The following CHSY3 variants were observed in gnomAD, a reference collection of about 807,000 sequenced individuals.
CHSY3 encodes chondroitin sulfate synthase 3.
In CHSY3, 35 loss-of-function variants were observed where a neutral mutation model predicts 67.2. The ratio of observed to expected loss-of-function variants is 0.52; its 90% CI spans 0.40 to 0.69. The LOEUF (loss-of-function observed/expected upper bound fraction) is 0.69. CHSY3 is among the 30% of genes least tolerant of loss of function. The pLI is 0.00. For synonymous variants in CHSY3, 474 were observed against 434.7 expected, an observed-to-expected ratio of 1.09 and a Z score of -1.12; for missense variants, 1,069 against 1,138.5, an observed-to-expected ratio of 0.94 and a Z score of 0.88.
intron 2 of CHSY3, among the ~76,000 whole-genome samples, chr5:130,153,968 AT>A (rs1469469712): frequency 6.6e-6 from 1 of 151,940 alleles, no homozygotes; most frequent in Admixed American, 6.6e-5. Context: ...CCCAGGCTGG[AT>A]GCAATGCCAC....
At chr5:130,067,407 A>G (rs1029123147) in intron 2 of CHSY3, among the ~76,000 whole-genome samples, 6 of 152,172 alleles carry the variant, frequency 3.9e-5, no homozygotes, top group Admixed American at 3.3e-4. Flanking sequence ...GTGTGCACTC[A>G]AATATTTTCT....
intron 2 of CHSY3, among the ~76,000 whole-genome samples, chr5:130,127,622 C>A (rs1007040396): frequency 6.6e-5 from 10 of 152,118 alleles, no homozygotes; most frequent in African/African-American, 2.4e-4. Flanking sequence ...GTCACTTAGA[C>A]CATTGTTAAG....
chr5:130,096,461 C>A (rs747389633), intron 2 of CHSY3, among the ~76,000 whole-genome samples: 10 of 152,064 alleles, frequency 6.6e-5, no homozygotes, highest in African/African-American at 2.2e-4. Flanking sequence ...AAAGTTCTAT[C>A]GTGCACTTTG....
chr5:129,932,670 A>G (rs1183562745), intron 2 of CHSY3, among the ~76,000 whole-genome samples: 1 of 152,254 alleles, frequency 6.6e-6, no homozygotes, highest in East Asian at 1.9e-4. Flanking sequence ...AAATGCAATA[A>G]TGTTTCCGTG....
chr5:130,111,763 A>AT (rs892801451), intron 2 of CHSY3, among the ~76,000 whole-genome samples: 38 of 150,786 alleles, frequency 2.5e-4, no homozygotes, highest in East Asian at 2.3e-3. Flanking sequence ...GGTTAAAGTG[A>AT]TTTTTTTTTT....
rs555183039 is a variant in CHSY3 at position 130,165,615 on chromosome 5, AT to A, written c.1087-18605del. On this transcript the variant is annotated intron_variant, in intron 2 of 2. Coordinates refer to ENST00000305031, the MANE Select transcript of CHSY3 (RefSeq NM_175856.5). Reference sequence around the variant, plus strand: ...CATTCTTTTCCCATTAGTTTATGGTATTTTTTTTTCTTATAGGAGAGGGTCC... The same window carrying A: ...CATTCTTTTCCCATTAGTTTATGGTATTTTTTTTCTTATAGGAGAGGGTCC... Among the ~76,000 whole-genome samples the A allele has an allele frequency of 6.0e-5, 9 of 150,906 alleles. No individual in the cohort carries two copies. The East Asian group carries it at 1.2e-3, about 20-fold the overall frequency.
chr5:130,030,913 G>T (rs1764685925), intron 2 of CHSY3, among the ~76,000 whole-genome samples: 1 of 152,016 alleles, frequency 6.6e-6, no homozygotes, highest in African/African-American at 2.4e-5. Flanking sequence ...TAAGAATAAT[G>T]AATGAAAGTT....
intron 2 of CHSY3, among the ~76,000 whole-genome samples, chr5:129,933,708 G>A (rs1052320517): frequency 6.6e-6 from 1 of 151,880 alleles, no homozygotes; most frequent in African/African-American, 2.4e-5. Context: ...CCCCTGGAAT[G>A]GGATTTATAT....
intron 2 of CHSY3, among the ~76,000 whole-genome samples, chr5:130,074,878 A>G (rs1481947619): frequency 2.0e-5 from 3 of 147,110 alleles, no homozygotes; most frequent in East Asian, 2.0e-4. Flanking sequence ...ATAAACAAAT[A>G]CATTAATGAT....
Position 130,184,730 on chromosome 5 carries a change from A to G in CHSY3, c.1588A>G (p.Asn530Asp). 6.2e-7 allele frequency: 1 copy of G among 1,603,264 alleles called. No homozygotes were observed. Among genetic ancestry groups the G allele is most frequent in the Non-Finnish European group, 8.5e-7 (1 of 1,170,078 alleles). The change falls in exon 3 of 3, where the codon AAC (asparagine) becomes GAC (aspartate). Residue 530 changes from asparagine (N) to aspartate (D), a missense_variant. Physicochemically the swap from Asn to Asp is conservative, Grantham distance 23. Around this residue, in one of 5 missense-constraint regions of CHSY3, gnomAD observed 401 missense variants for 395.2 expected, o/e 1.01. Transcript: ENST00000305031. Reference protein sequence around the residue: ...KEIQYGYRRVNPMHGVEYILD... With the variant: ...KEIQYGYRRVDPMHGVEYILD... ...AATTCAGTATGGCTACCGCAGAGTT[A>G]ACCCCATGCACGGGGTGGAGTACAT...
intron 2 of CHSY3, among the ~76,000 whole-genome samples, chr5:129,931,944 G>A (rs1465502745): frequency 6.6e-6 from 1 of 151,792 alleles, no homozygotes; most frequent in Admixed American, 6.6e-5. Context: ...AAGGATCTTG[G>A]GAAGTGGTGT....
At chr5:130,160,241 G>A (rs1221041971) in intron 2 of CHSY3, among the ~76,000 whole-genome samples, 1 of 152,164 alleles carries the variant, frequency 6.6e-6, no homozygotes, top group East Asian at 1.9e-4. Flanking sequence ...GAACAAGCAA[G>A]TTCCTTGTCC....
intron 2 of CHSY3, among the ~76,000 whole-genome samples, chr5:129,994,740 G>A (rs891217090): frequency 8.5e-5 from 13 of 152,154 alleles, no homozygotes; most frequent in South Asian, 4.1e-4. Context: ...AGTTCATGTC[G>A]TTTGTAGGGA....
intron 2 of CHSY3, among the ~76,000 whole-genome samples, chr5:129,954,627 T>C (rs998095410): frequency 1.3e-5 from 2 of 152,128 alleles, no homozygotes; most frequent in Non-Finnish European, 2.9e-5. Context: ...TGGAGTGTTT[T>C]TCCATTTGTT....
In CHSY3 at chr5:130,177,815, C is replaced by A. The variant is rs369259527; in HGVS notation, c.1087-6414C>A. Among the ~76,000 whole-genome samples the A allele has an allele frequency of 1.8e-4, 27 of 152,096 alleles. 1 individual carries two copies. The highest frequency in any genetic ancestry group is 6.6e-4 in the Admixed American group (10 of 15,258). Reference sequence around the variant, plus strand: ...ATCTGTTGCATTTTGTGGAAATTTTCTTGAATTATTTTGTTGATAATTTTT... The same window carrying A: ...ATCTGTTGCATTTTGTGGAAATTTTATTGAATTATTTTGTTGATAATTTTT... On this transcript the variant is annotated intron_variant, in intron 2 of 2. Transcript: ENST00000305031.
intron 2 of CHSY3, among the ~76,000 whole-genome samples, chr5:130,105,492 A>C (rs1250159426): frequency 6.6e-6 from 1 of 151,728 alleles, no homozygotes; most frequent in African/African-American, 2.4e-5. Context: ...AAAGGCCTAC[A>C]TGAAGTAGTA....
chr5:130,175,134 A>T (rs537038720), intron 2 of CHSY3, among the ~76,000 whole-genome samples: 16 of 152,302 alleles, frequency 1.1e-4, no homozygotes, highest in African/African-American at 3.6e-4. Flanking sequence ...TCCCATTACC[A>T]GTATGTAAAG....
chr5:130,116,730 C>T (rs532667389), intron 2 of CHSY3, among the ~76,000 whole-genome samples: 32 of 152,244 alleles, frequency 2.1e-4, no homozygotes, highest in Admixed American at 1.2e-3. Flanking sequence ...GAAATGCGGA[C>T]CTGAAGGCAG....
intron 2 of CHSY3, among the ~76,000 whole-genome samples, chr5:130,156,089 A>G (rs1325636696): frequency 1.3e-5 from 2 of 152,200 alleles, no homozygotes; most frequent in Non-Finnish European, 2.9e-5. Flanking sequence ...ATTTCTTATC[A>G]TAGTATACAC....
Sources: gnomAD v4.1 joint callset for allele counts (sites outside exome capture counted in the v4.1 genomes callset) on GRCh38, gnomAD v4.1.1 for gene constraint, gnomAD v4.1.1 regional missense constraint, MANE v1.5 for transcripts, NCBI Gene and HGNC (gene_info 2026-07-23, HGNC 2026-07-21) for gene names.